The following ADIPOR2 variants were observed in gnomAD, a reference collection of about 807,000 sequenced individuals.
The protein encoded by ADIPOR2 is adiponectin receptor 2.
ADIPOR2 carries 18 observed loss-of-function variants against 40.9 expected under a neutral mutation model. The observed-to-expected ratio is 0.44, with a 90% CI of 0.30 to 0.65. The LOEUF (loss-of-function observed/expected upper bound fraction) is 0.65. Among genes scored for constraint, ADIPOR2 ranks in the 30% least tolerant of loss-of-function variants. The pLI is 0.09. For synonymous variants in ADIPOR2, 165 were observed against 166.4 expected, an observed-to-expected ratio of 0.99 and a Z score of 0.06; for missense variants, 283 against 479.2, an observed-to-expected ratio of 0.59 and a Z score of 3.82.
intron 2 of ADIPOR2, among the ~76,000 whole-genome samples, chr12:1,766,488 A>C (rs145847793): frequency 3.9e-5 from 6 of 152,334 alleles, no homozygotes; most frequent in African/African-American, 1.2e-4. Flanking sequence ...TTTGCAATTT[A>C]TATCAGTTTC....
intron 1 of ADIPOR2, among the ~76,000 whole-genome samples, chr12:1,728,958 G>GT (rs66842156): frequency 0.37 from 40,263 of 109,504 alleles, 7,830 homozygotes; most frequent in Non-Finnish European, 0.48. Flanking sequence ...GTTCTGGACT[G>GT]TTTTTTTTTT....
At chr12:1,762,771 G>A (rs1178465093) in intron 2 of ADIPOR2, among the ~76,000 whole-genome samples, 3 of 152,196 alleles carry the variant, frequency 2.0e-5, no homozygotes, top group Admixed American at 2.0e-4. Flanking sequence ...TTTTACAGAT[G>A]AGGAAACTGA....
intron 1 of ADIPOR2, among the ~76,000 whole-genome samples, chr12:1,701,735 C>G (rs1025081795): frequency 6.6e-6 from 1 of 152,098 alleles, no homozygotes; most frequent in Non-Finnish European, 1.5e-5. Flanking sequence ...TAGATTGTTT[C>G]CAGGTTTTCA....
intron 1 of ADIPOR2, among the ~76,000 whole-genome samples, chr12:1,742,270 T>G (rs1210982415): frequency 2.6e-5 from 4 of 152,202 alleles, no homozygotes; most frequent in Non-Finnish European, 4.4e-5. Flanking sequence ...TTTTTGCATT[T>G]TTTGTAGAGA....
Position 1,783,964 on chromosome 12 carries a change from T to C in ADIPOR2, c.923T>C (p.Ile308Thr). 1 of 1,613,974 alleles carries C rather than the reference T, an allele frequency of 6.2e-7. No homozygotes were observed. The highest frequency in any genetic ancestry group is 8.5e-7 in the Non-Finnish European group (1 of 1,179,918). Reference sequence around the variant, plus strand: ...GAGGGGTTCCTTAAGGCCGCCACCATAGGGCAGATAGGCTGGTTGATGCTG... The same window carrying C: ...GAGGGGTTCCTTAAGGCCGCCACCACAGGGCAGATAGGCTGGTTGATGCTG... ...ISEGFLKAAT[I>T]GQIGWLMLMA... The change falls in exon 7 of 8, where the codon ATA becomes ACA. Residue 308 changes from isoleucine to threonine, a missense_variant. Coordinates refer to ENST00000357103, the MANE Select transcript of ADIPOR2 (RefSeq NM_024551.3).
intron 1 of ADIPOR2, among the ~76,000 whole-genome samples, chr12:1,747,710 T>G (rs11835505): frequency 0.14 from 21,225 of 152,114 alleles, 1,615 homozygotes; most frequent in Admixed American, 0.23. Context: ...ACAGGTTTTT[T>G]TTTTCTTTTA....
intron 1 of ADIPOR2, among the ~76,000 whole-genome samples, chr12:1,719,762 C>T (rs145228427): frequency 1.3e-5 from 2 of 151,990 alleles, no homozygotes; most frequent in East Asian, 3.9e-4. Flanking sequence ...GCAACCTCCG[C>T]CTCCTGGGTT....
chr12:1,693,284 T>A (rs2094631044), intron 1 of ADIPOR2, among the ~76,000 whole-genome samples: 1 of 106,706 alleles, frequency 9.4e-6, no homozygotes, highest in African/African-American at 2.7e-5. Context: ...ATGTGGCCTG[T>A]AACACCTTAT....
intron 1 of ADIPOR2, among the ~76,000 whole-genome samples, chr12:1,721,718 A>G (rs998255373): frequency 6.6e-6 from 1 of 152,216 alleles, no homozygotes; most frequent in South Asian, 2.1e-4. Flanking sequence ...GTTGCTTTAC[A>G]TTGCATTGTC....
At chr12:1,782,510 A>C (rs1186034063) in intron 6 of ADIPOR2, among the ~76,000 whole-genome samples, 3 of 152,222 alleles carry the variant, frequency 2.0e-5, no homozygotes, top group Admixed American at 2.0e-4. Context: ...AGTGGACTTC[A>C]CATTTTTTTT....
chr12:1,783,832 T>C (rs751125870), intron 6 of ADIPOR2, 48 bp from the exon 7 acceptor site: 1 of 1,460,444 alleles, frequency 6.8e-7, no homozygotes, highest in African/African-American at 1.4e-5. Context: ...GACTTCTGGC[T>C]CTTTGTTTCT....
intron 1 of ADIPOR2, among the ~76,000 whole-genome samples, chr12:1,693,271 G>C (rs1290817247): frequency 7.1e-6 from 1 of 140,130 alleles, no homozygotes; most frequent in Non-Finnish European, 1.6e-5. Context: ...GTGCCAGAGA[G>C]CCATGTGGCC....
intron 1 of ADIPOR2, among the ~76,000 whole-genome samples, chr12:1,723,033 A>G (rs1030103942): frequency 3.3e-5 from 5 of 152,228 alleles, no homozygotes; most frequent in Admixed American, 3.3e-4. Flanking sequence ...TTACACAAAT[A>G]TAGAAATTCC....
intron 1 of ADIPOR2, among the ~76,000 whole-genome samples, chr12:1,713,137 G>T (rs917414353): frequency 6.6e-6 from 1 of 152,114 alleles, no homozygotes; most frequent in Non-Finnish European, 1.5e-5. Context: ...AAGTTGGGAC[G>T]TGTGATCTGT....
intron 1 of ADIPOR2, among the ~76,000 whole-genome samples, chr12:1,719,649 T>G (rs2154442073): frequency 6.6e-6 from 1 of 152,198 alleles, no homozygotes; most frequent in Non-Finnish European, 1.5e-5. Flanking sequence ...CCTGTCATCC[T>G]CACTCAGCAG....
At chr12:1,771,577 AT>A (rs1330745994) in intron 2 of ADIPOR2, among the ~76,000 whole-genome samples, 2 of 152,160 alleles carry the variant, frequency 1.3e-5, no homozygotes, top group Non-Finnish European at 2.9e-5. Flanking sequence ...TTTCTTGGAG[AT>A]TATGTGTTTT....
chr12:1,738,869 C>G (rs144892601), intron 1 of ADIPOR2, among the ~76,000 whole-genome samples: 1 of 152,004 alleles, frequency 6.6e-6, no homozygotes, highest in East Asian at 1.9e-4. Context: ...ATATTTTTCT[C>G]GAAAATGAGA....
chr12:1,750,876 T>C (rs1348497132), intron 1 of ADIPOR2, among the ~76,000 whole-genome samples: 1 of 152,172 alleles, frequency 6.6e-6, no homozygotes, highest in African/African-American at 2.4e-5. Flanking sequence ...TCATATAATC[T>C]GCAAATAGTT....
chr12:1,777,382 C>CTTTTTTTTTTT (rs59141974), intron 3 of ADIPOR2, among the ~76,000 whole-genome samples: 3 of 98,744 alleles, frequency 3.0e-5, no homozygotes, highest in South Asian at 3.3e-4. Context: ...TTTTTTCTTT[C>CTTTTTTTTTTT]TTTTTTTTTT....
Sources: gnomAD v4.1 joint callset for allele counts (sites outside exome capture counted in the v4.1 genomes callset) on GRCh38, gnomAD v4.1.1 for gene constraint, MANE v1.5 for transcripts, NCBI Gene and HGNC (gene_info 2026-07-23, HGNC 2026-07-21) for gene names.